The following ERC2 variants were observed in gnomAD, a reference collection of about 807,000 sequenced individuals.
The protein encoded by ERC2 is ERC protein 2.
A neutral mutation model predicts 114.8 loss-of-function variants in ERC2; 42 were observed. The observed-to-expected ratio is 0.37, with a 90% CI of 0.29 to 0.47. The LOEUF is 0.47. Among genes scored for constraint, ERC2 ranks in the 20% least tolerant of loss-of-function variants. ERC2 has a pLI of 0.99. For missense variants in ERC2, 939 were observed against 1,150.7 expected (o/e 0.82, Z 2.66); for synonymous variants, 454 against 425.5 (o/e 1.07, Z -0.82).
intron 17 of ERC2, among the ~76,000 whole-genome samples, chr3:55,619,492 A>G (rs2059246488): frequency 6.6e-6 from 1 of 152,122 alleles, no homozygotes; most frequent in South Asian, 2.1e-4. Context: ...CAGATTTCCT[A>G]TTTCTTCCAC....
intron 2 of ERC2, among the ~76,000 whole-genome samples, chr3:56,390,347 CT>C (rs1163917858): frequency 6.6e-6 from 1 of 152,168 alleles, no homozygotes; most frequent in Non-Finnish European, 1.5e-5. Context: ...AATTTCACGA[CT>C]TTCTTCTCCT....
At chr3:56,367,263 CA>C (rs111889951) in intron 2 of ERC2, among the ~76,000 whole-genome samples, 4,397 of 142,988 alleles carry the variant, frequency 0.031, 85 homozygotes, top group South Asian at 0.073. Context: ...CAATGGGCAG[CA>C]TTTTTTTTTT....
At chr3:56,022,595 G>T (rs530914907) in intron 7 of ERC2, among the ~76,000 whole-genome samples, 1 of 152,234 alleles carries the variant, frequency 6.6e-6, no homozygotes, top group Non-Finnish European at 1.5e-5. Flanking sequence ...TTCACAAATT[G>T]TTATGACATT....
intron 14 of ERC2, among the ~76,000 whole-genome samples, chr3:55,814,820 A>G (rs1393548186): frequency 1.3e-5 from 2 of 152,222 alleles, no homozygotes; most frequent in African/African-American, 4.8e-5. Flanking sequence ...CTGGAACTCA[A>G]TGGATACCAT....
intron 2 of ERC2, among the ~76,000 whole-genome samples, chr3:56,385,505 T>C (rs746644526): frequency 9.9e-5 from 15 of 152,190 alleles, no homozygotes; most frequent in Non-Finnish European, 1.6e-4. Flanking sequence ...ATGGACACCA[T>C]ACACCATATA....
chr3:55,577,182 T>C (rs567730910), intron 17 of ERC2, among the ~76,000 whole-genome samples: 2 of 152,258 alleles, frequency 1.3e-5, no homozygotes, highest in East Asian at 1.9e-4. Context: ...CTGAAGTTCA[T>C]GAACTGCTGT....
intron 13 of ERC2, among the ~76,000 whole-genome samples, chr3:55,931,983 T>C (rs973026396): frequency 6.6e-6 from 1 of 152,352 alleles, no homozygotes; most frequent in East Asian, 1.9e-4. Context: ...AACTTAACTA[T>C]GGAATAACGA....
chr3:55,956,297 C>CA (rs2067949155), intron 12 of ERC2, among the ~76,000 whole-genome samples: 1 of 152,124 alleles, frequency 6.6e-6, no homozygotes, highest in Admixed American at 6.6e-5. Flanking sequence ...GCAGGAAGCT[C>CA]ATGACAGCCA....
intron 10 of ERC2, among the ~76,000 whole-genome samples, chr3:55,996,980 G>C (rs1222040880): frequency 6.6e-6 from 1 of 152,142 alleles, no homozygotes. Context: ...CTAAAGACTG[G>C]TCATTGATTA....
intron 6 of ERC2, among the ~76,000 whole-genome samples, chr3:56,090,029 A>G (rs970264626): frequency 6.6e-6 from 1 of 152,120 alleles, no homozygotes; most frequent in African/African-American, 2.4e-5. Context: ...ACAAAAGAAA[A>G]TTTTTGACGA....
intron 6 of ERC2, among the ~76,000 whole-genome samples, chr3:56,091,448 G>A (rs550686238): frequency 6.6e-6 from 1 of 152,254 alleles, no homozygotes; most frequent in South Asian, 2.1e-4. Flanking sequence ...TATATAGTTT[G>A]AGATGGCTAG....
intron 7 of ERC2, among the ~76,000 whole-genome samples, chr3:56,063,136 GA>G (rs1187242176): frequency 2.0e-5 from 3 of 152,180 alleles, no homozygotes; most frequent in Non-Finnish European, 4.4e-5. Flanking sequence ...TATACAGGAT[GA>G]TTCCATTTTT....
chr3:55,601,927 T>C (rs945565343), intron 17 of ERC2, among the ~76,000 whole-genome samples: 1 of 152,208 alleles, frequency 6.6e-6, no homozygotes, highest in Non-Finnish European at 1.5e-5. Context: ...CACTTCCTTT[T>C]TAATAACCAG....
At chr3:55,742,540 T>G (rs890489744) in intron 14 of ERC2, among the ~76,000 whole-genome samples, 1 of 152,206 alleles carries the variant, frequency 6.6e-6, no homozygotes, top group African/African-American at 2.4e-5. Context: ...GTTTGGATAA[T>G]GACATATAAG....
intron 14 of ERC2, among the ~76,000 whole-genome samples, chr3:55,845,233 G>A (rs1437692749): frequency 2.0e-5 from 3 of 152,158 alleles, no homozygotes; most frequent in African/African-American, 4.8e-5. Context: ...GGCCAGGCGC[G>A]GTGGCTCACG....
rs182782048 is a variant in ERC2 at position 55,634,968 on chromosome 3, G to A, written c.*39+48826C>T. Among the ~76,000 whole-genome samples, 53 of 151,184 alleles carry A rather than the reference G, an allele frequency of 3.5e-4. No individual in the cohort carries two copies. The East Asian group carries it at 9.8e-3, about 28-fold the overall frequency. On this transcript the variant is annotated intron_variant, in intron 17 of 17. Transcript: ENST00000288221. Reference sequence around the variant, plus strand: ...ACGATCTCGGCTTACTGCAACCTCCGCCTACTGGGTTCAAGCAATTATCCT... The same window carrying A: ...ACGATCTCGGCTTACTGCAACCTCCACCTACTGGGTTCAAGCAATTATCCT...
chr3:56,295,741 T>C (rs1040180307), intron 3 of ERC2, among the ~76,000 whole-genome samples: 4 of 152,190 alleles, frequency 2.6e-5, no homozygotes, highest in Non-Finnish European at 5.9e-5. Flanking sequence ...CAGCCACCTG[T>C]GGGAAAGCAA....
intron 14 of ERC2, among the ~76,000 whole-genome samples, chr3:55,864,451 A>G (rs971605768): frequency 6.6e-6 from 1 of 151,986 alleles, no homozygotes; most frequent in Admixed American, 6.6e-5. Flanking sequence ...GGATCTTCCA[A>G]AAAGTTACTG....
chr3:56,194,377 A>G (rs2047970582), intron 3 of ERC2, among the ~76,000 whole-genome samples: 1 of 152,218 alleles, frequency 6.6e-6, no homozygotes, highest in Admixed American at 6.5e-5. Flanking sequence ...GCCCGATCCA[A>G]TGATGTCCAA....
Sources: allele counts gnomAD v4.1 joint callset (sites outside exome capture counted in the v4.1 genomes callset), GRCh38; gene constraint gnomAD v4.1.1; transcripts MANE v1.5; gene names NCBI Gene and HGNC (gene_info 2026-07-23, HGNC 2026-07-21).